The following UGT1A6 variants were observed in gnomAD, a reference collection of about 807,000 sequenced individuals.
UGT1A6 encodes UDP glucuronosyltransferase family 1 member A6, also known as UDP-glucuronosyltransferase 1A6.
In UGT1A6, 32 loss-of-function variants were observed where a neutral mutation model predicts 44.4. The observed-to-expected ratio is 0.72, with a 90% CI of 0.54 to 0.97. UGT1A6 has a LOEUF of 0.97. Ranked by LOEUF, UGT1A6 falls within the 50% of genes least tolerant of loss-of-function variation. The pLI, the probability that UGT1A6 is intolerant of heterozygous loss-of-function variation, is 0.00. For missense variants in UGT1A6, 685 were observed against 661.9 expected, an observed-to-expected ratio of 1.03 and a Z score of -0.38; for synonymous variants, 238 against 248.5, an observed-to-expected ratio of 0.96 and a Z score of 0.40.
chr2:233,747,448 C>A (rs577048097), intron 1 of UGT1A6: 2 of 1,609,000 alleles, frequency 1.2e-6, no homozygotes, highest in East Asian at 4.5e-5. Flanking sequence ...ACCCTGACAA[C>A]CTATGCCATT....
chr2:233,709,696 T>G lies in UGT1A6; in HGVS notation c.861+15831T>G, dbSNP rs554703505. The stretch of plus-strand genomic sequence containing the variant: ...GTCTTTTGGTCAGCTTGGGAAAATT[T>G]TGTTCTTTTTTAATTGAATGATATG... On this transcript the variant is annotated intron_variant, in intron 1 of 4. Coordinates refer to ENST00000305139, the MANE Select transcript of UGT1A6 (RefSeq NM_001072.4). Among the ~76,000 whole-genome samples, 7 of 152,334 alleles carry G rather than the reference T, an allele frequency of 4.6e-5. No individual in the cohort carries two copies. In the East Asian group the frequency reaches 1.3e-3, roughly 29 times the overall value.
At chr2:233,756,223 T>G (rs1194154122) in intron 1 of UGT1A6, 1 of 152,204 alleles carries the variant, frequency 6.6e-6, no homozygotes, top group Non-Finnish European at 1.5e-5. Context: ...AAGGGATTAG[T>G]TTAGGACAAC....
chr2:233,736,460 A>G (rs1342574700), intron 1 of UGT1A6, among the ~76,000 whole-genome samples: 1 of 152,154 alleles, frequency 6.6e-6, no homozygotes, highest in Non-Finnish European at 1.5e-5. Context: ...TCGAACATGC[A>G]CTTTTAGCTT....
intron 1 of UGT1A6, among the ~76,000 whole-genome samples, chr2:233,742,120 G>A (rs910307834): frequency 2.0e-5 from 3 of 151,826 alleles, no homozygotes; most frequent in South Asian, 4.1e-4. Context: ...CAGCTTGGTC[G>A]TGGAGACCCT....
At position 233,713,670 on chromosome 2, in the gene UGT1A6, G is replaced by T. The variant is rs200994534; in HGVS notation, c.861+19805G>T. On this transcript the variant is annotated intron_variant, in intron 1 of 4. Transcript: ENST00000305139. ...GGCCCTGTCCTACCTTTGCCATGCT[G>T]TTTCTGCTCCTTATGCAAGCCTTGC... 1.7e-4 allele frequency: 280 copies of T among 1,613,946 alleles called. 1 individual carries two copies. The highest frequency in any genetic ancestry group is 2.1e-4 in the Non-Finnish European group (247 of 1,179,872).
At chr2:233,750,081 T>C (rs1164300379) in intron 1 of UGT1A6, among the ~76,000 whole-genome samples, 3 of 151,620 alleles carry the variant, frequency 2.0e-5, no homozygotes, top group African/African-American at 7.3e-5. Context: ...CAGGCAGAGG[T>C]TGGAACAGTT....
chr2:233,724,960 GCCGAGGTTGGCGGAT>G (rs567349076), intron 1 of UGT1A6, among the ~76,000 whole-genome samples: 4,803 of 144,840 alleles, frequency 0.033, 234 homozygotes, highest in African/African-American at 0.051. Context: ...ACCTCGGGAG[GCCGAGGTTGGCGGAT>G]CACTCGCGGT....
rs1320189051 is a variant in UGT1A6, at chr2:233,757,543, T to TAC, written c.862-9490_862-9489insCA. Reference sequence around the variant, plus strand: ...AAATCTTGCCTGTAAGGAATATATATATATATATATATATATATGTATATA... The same window carrying TAC: ...AAATCTTGCCTGTAAGGAATATATATACATATATATATATATATATGTATATA... On this transcript the variant is annotated intron_variant, in intron 1 of 4. Coordinates refer to ENST00000305139, the MANE Select transcript of UGT1A6 (RefSeq NM_001072.4). Among the ~76,000 whole-genome samples the TAC allele has an allele frequency of 2.8e-3, 329 of 117,124 alleles. 12 individuals carry two copies. The highest frequency in any genetic ancestry group is 3.5e-3 in the African/African-American group (97 of 28,034). 76.8% of individuals were successfully genotyped at this position (117,124 alleles called of 152,430 possible). A position where few individuals can be genotyped will look rare whatever the true frequency, so the allele number is the denominator to read the frequency against.
chr2:233,760,197 G>A (rs2125980210), intron 1 of UGT1A6: 1 of 1,578,860 alleles, frequency 6.3e-7, no homozygotes, highest in Admixed American at 1.7e-5. Context: ...ACGTGACACA[G>A]TCAAACATTA....
intron 1 of UGT1A6, among the ~76,000 whole-genome samples, chr2:233,756,677 T>A (rs1198081671): frequency 1.3e-5 from 2 of 152,198 alleles, no homozygotes; most frequent in African/African-American, 4.8e-5. Flanking sequence ...CCGCTAGAAC[T>A]GCTATATAAT....
chr2:233,747,006 G>A (rs563411016), intron 1 of UGT1A6, among the ~76,000 whole-genome samples: 4 of 151,972 alleles, frequency 2.6e-5, no homozygotes, highest in Admixed American at 2.0e-4. Flanking sequence ...TTTTCAAGTA[G>A]GAGTGATCGG....
Position 233,768,455 on chromosome 2 carries a change from CAGA to C in UGT1A6, c.1301+21_1301+23del, listed in dbSNP as rs1237588109. On this transcript the variant is annotated intron_variant, in intron 4 of 4. Transcript: ENST00000305139. The stretch of plus-strand genomic sequence containing the variant: ...ATGACAAAAGGTAAGAAAGAAGATA[CAGA>C]AGAATACTTTGGTCATGGCATTCAT... 4 of 1,610,124 alleles carry C rather than the reference CAGA, an allele frequency of 2.5e-6. No homozygotes were observed. The African/African-American group carries it at 5.4e-5, about 22-fold the overall frequency.
chr2:233,742,169 GAA>G (rs2125841424), intron 1 of UGT1A6, among the ~76,000 whole-genome samples: 1 of 152,048 alleles, frequency 6.6e-6, no homozygotes, highest in East Asian at 1.9e-4. Context: ...CACACACACA[GAA>G]ATATAGAGTG....
chr2:233,753,016 T>C (rs1233193330), intron 1 of UGT1A6, among the ~76,000 whole-genome samples: 2 of 152,164 alleles, frequency 1.3e-5, no homozygotes, highest in Admixed American at 1.3e-4. Flanking sequence ...AGAGTGGTGA[T>C]TTACAACACA....
At chr2:233,703,382 A>C (rs1384920463) in intron 1 of UGT1A6, among the ~76,000 whole-genome samples, 1 of 151,458 alleles carries the variant, frequency 6.6e-6, no homozygotes, top group African/African-American at 2.4e-5. Flanking sequence ...TTTTGTCTAT[A>C]TTTTCAAATA....
At chr2:233,751,259 GC>G (rs1694681470) in intron 1 of UGT1A6, among the ~76,000 whole-genome samples, 1 of 151,926 alleles carries the variant, frequency 6.6e-6, no homozygotes. Flanking sequence ...GGGGCCTGTA[GC>G]CCCCTTTTTT....
intron 1 of UGT1A6, among the ~76,000 whole-genome samples, chr2:233,694,658 A>T (rs1315709453): frequency 6.6e-6 from 1 of 152,160 alleles, no homozygotes; most frequent in Admixed American, 6.5e-5. Context: ...CTTTTTTATC[A>T]GAGAGAAAGC....
chr2:233,724,557 GAT>G (rs2077281527), intron 1 of UGT1A6, among the ~76,000 whole-genome samples: 1 of 126,690 alleles, frequency 7.9e-6, no homozygotes, highest in Non-Finnish European at 1.7e-5. Flanking sequence ...TCACATCCCA[GAT>G]GGGGCGGCGG....
intron 1 of UGT1A6, among the ~76,000 whole-genome samples, chr2:233,725,055 CGCGCGCCT>C (rs1021966862): frequency 1.4e-5 from 2 of 147,410 alleles, no homozygotes; most frequent in African/African-American, 5.1e-5. Flanking sequence ...GGCGTGGCGG[CGCGCGCCT>C]GCAATCGCAG....
Sources: gnomAD v4.1 joint callset for allele counts (sites outside exome capture counted in the v4.1 genomes callset) on GRCh38, gnomAD v4.1.1 for gene constraint, MANE v1.5 for transcripts, NCBI Gene and HGNC (gene_info 2026-07-23, HGNC 2026-07-21) for gene names.